Variants in CAMTA1 observed in about 807,000 individuals in gnomAD.
The protein encoded by CAMTA1 is calmodulin-binding transcription activator 1.
In CAMTA1, 27 loss-of-function variants were observed where a neutral mutation model predicts 170.9. The ratio of observed to expected loss-of-function variants is 0.16; its 90% CI spans 0.12 to 0.22. The LOEUF (loss-of-function observed/expected upper bound fraction) is 0.22. Among genes scored for constraint, CAMTA1 ranks in the 10% least tolerant of loss-of-function variants. The probability of loss-of-function intolerance (pLI) is 1.00; values close to 1 mark genes in which losing one functional copy is unlikely to be tolerated. For missense variants in CAMTA1, 1,619 were observed against 2,217.2 expected (o/e 0.73, Z 5.42); for synonymous variants, 833 against 891.5 (o/e 0.93, Z 1.17).
intron 6 of CAMTA1, among the ~76,000 whole-genome samples, chr1:7,584,785 A>G (rs2095294541): frequency 6.6e-6 from 1 of 152,146 alleles, no homozygotes; most frequent in African/African-American, 2.4e-5. Context: ...CAGTGTCTGG[A>G]GATGCTATCG....
At chr1:7,560,517 C>T (rs12066773) in intron 6 of CAMTA1, among the ~76,000 whole-genome samples, 3,209 of 152,320 alleles carry the variant, frequency 0.021, 114 homozygotes, top group African/African-American at 0.072. Flanking sequence ...ATGTCTCCAT[C>T]AGGCCCCAAG....
intron 5 of CAMTA1, among the ~76,000 whole-genome samples, chr1:7,444,514 A>T (rs2092630950): frequency 6.6e-6 from 1 of 152,234 alleles, no homozygotes. Flanking sequence ...CCTGGGCACC[A>T]GGCTGGGCTG....
chr1:7,241,013 C>T (rs1169931443), intron 4 of CAMTA1, among the ~76,000 whole-genome samples: 3 of 152,122 alleles, frequency 2.0e-5, no homozygotes, highest in African/African-American at 7.2e-5. Context: ...AGTGGAGTCA[C>T]AGGTGACTTA....
chr1:7,490,567 G>T (rs547970040), intron 6 of CAMTA1, among the ~76,000 whole-genome samples: 1 of 152,066 alleles, frequency 6.6e-6, no homozygotes, highest in Non-Finnish European at 1.5e-5. Context: ...CCGGAGAATC[G>T]CTTGAACCCA....
chr1:6,809,971 A>G (rs1644976901), intron 1 of CAMTA1, among the ~76,000 whole-genome samples: 1 of 152,232 alleles, frequency 6.6e-6, no homozygotes, highest in Non-Finnish European at 1.5e-5. Context: ...GAGTACTGGT[A>G]GAAATGATGG....
At chr1:6,831,061 G>A (rs1009000562) in intron 3 of CAMTA1, among the ~76,000 whole-genome samples, 1 of 151,944 alleles carries the variant, frequency 6.6e-6, no homozygotes, top group Non-Finnish European at 1.5e-5. Context: ...CTCATGATCC[G>A]CCCGCCTCAG....
intron 6 of CAMTA1, among the ~76,000 whole-genome samples, chr1:7,631,030 G>T (rs138220146): frequency 6.6e-6 from 1 of 152,102 alleles, no homozygotes; most frequent in African/African-American, 2.4e-5. Flanking sequence ...CCCAGTTACC[G>T]GGTGCTCAGC....
intron 3 of CAMTA1, among the ~76,000 whole-genome samples, chr1:6,920,726 C>T (rs1681821526): frequency 6.6e-6 from 1 of 152,242 alleles, no homozygotes; most frequent in African/African-American, 2.4e-5. Flanking sequence ...CACCTGCAGG[C>T]TCTAGAGTGT....
At chr1:6,806,399 G>C (rs556351192) in intron 1 of CAMTA1, among the ~76,000 whole-genome samples, 1 of 152,314 alleles carries the variant, frequency 6.6e-6, no homozygotes, top group South Asian at 2.1e-4. Flanking sequence ...CCACAGAAGA[G>C]ACAACTGAGA....
intron 8 of CAMTA1, among the ~76,000 whole-genome samples, chr1:7,662,495 G>A (rs1171482437): frequency 2.0e-5 from 3 of 152,152 alleles, no homozygotes; most frequent in Non-Finnish European, 4.4e-5. Context: ...CAGGATCAGG[G>A]AGAATTTGCC....
intron 5 of CAMTA1, among the ~76,000 whole-genome samples, chr1:7,317,519 G>A (rs184540014): frequency 3.3e-5 from 5 of 152,382 alleles, no homozygotes; most frequent in East Asian, 1.9e-4. Flanking sequence ...AAGTTTGCTC[G>A]TGTTGTTATC....
At chr1:6,909,154 A>G (rs1287092130) in intron 3 of CAMTA1, among the ~76,000 whole-genome samples, 3 of 152,056 alleles carry the variant, frequency 2.0e-5, no homozygotes, top group Non-Finnish European at 2.9e-5. Context: ...CTAAAAGAAA[A>G]CTCAATTTAT....
At chr1:7,601,759 C>T (rs1576338413) in intron 6 of CAMTA1, among the ~76,000 whole-genome samples, 1 of 152,338 alleles carries the variant, frequency 6.6e-6, no homozygotes. Flanking sequence ...GCCAACACAG[C>T]GAAACCCCGT....
chr1:6,858,489 G>T (rs1043513592), intron 3 of CAMTA1, among the ~76,000 whole-genome samples: 3 of 146,408 alleles, frequency 2.0e-5, no homozygotes, highest in East Asian at 2.0e-4. Flanking sequence ...TGTGTGTTGG[G>T]GGGGGGGTGT....
chr1:7,486,721 T>C (rs1261118617), intron 6 of CAMTA1, among the ~76,000 whole-genome samples: 3 of 152,194 alleles, frequency 2.0e-5, no homozygotes, highest in Admixed American at 6.5e-5. Context: ...ATCAGGGTCA[T>C]GGCAGTGCCG....
chr1:7,321,237 T>G (rs531761226), intron 5 of CAMTA1, among the ~76,000 whole-genome samples: 2 of 152,236 alleles, frequency 1.3e-5, no homozygotes, highest in East Asian at 3.9e-4. Context: ...CTTTGATTTC[T>G]TCTACTCAAC....
intron 6 of CAMTA1, among the ~76,000 whole-genome samples, chr1:7,603,290 G>T (rs1323826008): frequency 6.6e-6 from 1 of 152,174 alleles, no homozygotes; most frequent in East Asian, 1.9e-4. Context: ...GGGTGTTAAA[G>T]TCTCCCATTA....
chr1:7,575,651 TG>T (rs1230476134), intron 6 of CAMTA1, among the ~76,000 whole-genome samples: 1 of 152,214 alleles, frequency 6.6e-6, no homozygotes, highest in East Asian at 1.9e-4. Flanking sequence ...TTAAATAACA[TG>T]TATCAAGGAG....
At chr1:7,606,970 C>T (rs2095490916) in intron 6 of CAMTA1, among the ~76,000 whole-genome samples, 1 of 152,252 alleles carries the variant, frequency 6.6e-6, no homozygotes, top group African/African-American at 2.4e-5. Flanking sequence ...GGAGAGTTAG[C>T]TCCTTGAAGC....
Sources: gnomAD v4.1 joint callset for allele counts (sites outside exome capture counted in the v4.1 genomes callset) on GRCh38, gnomAD v4.1.1 for gene constraint, MANE v1.5 for transcripts, NCBI Gene and HGNC (gene_info 2026-07-23, HGNC 2026-07-21) for gene names.